Variants in METTL6 observed in about 807,000 individuals in gnomAD.
METTL6 encodes tRNA N(3)-cytidine methyltransferase METTL6.
A neutral mutation model predicts 26.4 loss-of-function variants in METTL6; 22 were observed. The ratio of observed to expected loss-of-function variants is 0.83; its 90% CI spans 0.59 to 1.19. The LOEUF (loss-of-function observed/expected upper bound fraction) is 1.19. METTL6 is among the 50% of genes most tolerant of loss of function. The pLI, the probability that METTL6 is intolerant of heterozygous loss-of-function variation, is 0.00. For synonymous variants in METTL6, 109 were observed against 116.2 expected, an observed-to-expected ratio of 0.94 and a Z score of 0.40; for missense variants, 304 against 324.8, an observed-to-expected ratio of 0.94 and a Z score of 0.49.
In METTL6 at chr3:15,410,256, C is replaced by T. The variant is rs1290366067; in HGVS notation, c.*1000G>A. On this transcript the variant is annotated 3_prime_UTR_variant, in exon 6 of 6. Coordinates refer to ENST00000383790, the MANE Select transcript of METTL6 (RefSeq NM_152396.4). ...TGCCTGAAACCAAGATGGTACCAAA[C>T]TCTAAAAAAAAAAGAACAACTTTAA... 6.6e-6 allele frequency among the ~76,000 whole-genome samples: 1 copy of T among 151,432 alleles called. No homozygotes were observed. Among genetic ancestry groups the T allele is most frequent in the Non-Finnish European group, 1.5e-5 (1 of 67,842 alleles).
At chr3:15,415,282 C>T (rs771406857) in intron 4 of METTL6, among the ~76,000 whole-genome samples, 10 of 152,202 alleles carry the variant, frequency 6.6e-5, no homozygotes, top group Non-Finnish European at 5.9e-5. Context: ...ACATGAGACA[C>T]GGAAACCAAT....
chr3:15,402,560 C>A (rs1161271292), intron 6 of METTL6, among the ~76,000 whole-genome samples: 1 of 151,684 alleles, frequency 6.6e-6, no homozygotes, highest in African/African-American at 2.4e-5. Flanking sequence ...ATGGTGAAAC[C>A]CCCTCTCCAC....
chr3:15,404,161 T>C (rs542119132), intron 6 of METTL6, among the ~76,000 whole-genome samples: 19 of 152,224 alleles, frequency 1.2e-4, no homozygotes, highest in Admixed American at 5.9e-4. Context: ...CAGCCCCTAT[T>C]CAAAATGGAG....
At chr3:15,406,586 T>TTA (rs57272118), downstream of METTL6, among the ~76,000 whole-genome samples, 15 of 17,884 alleles carry the variant, frequency 8.4e-4, no homozygotes, top group Non-Finnish European at 1.2e-3. Flanking sequence ...AAACAAACAG[T>TTA]TATATATATA....
At chr3:15,404,492 A>G (rs943652763) in intron 6 of METTL6, among the ~76,000 whole-genome samples, 2 of 145,174 alleles carry the variant, frequency 1.4e-5, no homozygotes, top group Admixed American at 7.0e-5. Flanking sequence ...ACAGATGCGC[A>G]CCATCATGCC....
Position 15,404,509 on chromosome 3 carries a change from A to ATT in METTL6, c.*11+6734_*11+6735dup, listed in dbSNP as rs34073251. ...AGATGCGCACCATCATGCCCAGCTA[A>ATT]TTTTTTTTTTTTTTTTTTTTAAGTA... On this transcript the variant is annotated intron_variant, in intron 6 of 6. Transcript: ENST00000443029. Among the ~76,000 whole-genome samples the ATT allele has an allele frequency of 8.3e-3, 1,107 of 133,270 alleles. 56 individuals carry two copies. The East Asian group carries it at 0.16, about 19-fold the overall frequency. 87.4% of individuals were successfully genotyped at this position (133,270 alleles called of 152,430 possible).
At chr3:15,400,601 G>C (rs1276443532) in intron 6 of METTL6, among the ~76,000 whole-genome samples, 1 of 152,178 alleles carries the variant, frequency 6.6e-6, no homozygotes, top group Non-Finnish European at 1.5e-5. Context: ...AGCATTTCTA[G>C]TAGAATTGTC....
At position 15,397,151 on chromosome 3, in the gene METTL6, C is replaced by G. The variant is rs556485291; in HGVS notation, c.*12-12964G>C. Among the ~76,000 whole-genome samples, 9 of 152,350 alleles carry G rather than the reference C, an allele frequency of 5.9e-5. No homozygotes were observed. In the East Asian group the frequency reaches 1.5e-3, roughly 26 times the overall value. On this transcript the variant is annotated intron_variant, in intron 6 of 6. Coordinates refer to the METTL6 transcript ENST00000443029. ...CTCCACCCAGTTTGAGCTTCCCAAC[C>G]GCTTTGTTTACCTACTCAAGCCTCA...
At chr3:15,421,755 CA>C (rs1199767601) in intron 3 of METTL6, among the ~76,000 whole-genome samples, 1 of 151,782 alleles carries the variant, frequency 6.6e-6, no homozygotes, top group African/African-American at 2.4e-5. Flanking sequence ...ACTAAAAATA[CA>C]AAAAAATTAG....
chr3:15,388,047 G>C (rs1242357071), intron 6 of METTL6, among the ~76,000 whole-genome samples: 1 of 152,004 alleles, frequency 6.6e-6, no homozygotes, highest in Non-Finnish European at 1.5e-5. Context: ...AGAGTTTTAT[G>C]ATTACTCAAA....
intron 6 of METTL6, among the ~76,000 whole-genome samples, chr3:15,402,485 G>C (rs907879062): frequency 2.6e-4 from 40 of 152,252 alleles, no homozygotes; most frequent in Admixed American, 2.4e-3. Context: ...AGTAATCCCA[G>C]CACTCTGGGA....
chr3:15,413,443 G>C (rs1388505043), intron 5 of METTL6, among the ~76,000 whole-genome samples: 2 of 151,860 alleles, frequency 1.3e-5, no homozygotes, highest in African/African-American at 4.8e-5. Flanking sequence ...AGCCATGGTG[G>C]CATGTGTCTG....
chr3:15,426,433 T>G lies in METTL6; in HGVS notation c.79A>C (p.Thr27Pro). The change falls in exon 2 of 6, where the codon ACT becomes CCT. Residue 27 changes from threonine to proline, a missense_variant. Transcript: ENST00000383790. Reference protein sequence around the residue: ...EEEEKLKRDQTLVSDFKQQKL... With the variant: ...EEEEKLKRDQPLVSDFKQQKL... ...TGCTGTTTAAAATCAGACACCAAAG[T>G]TTGGTCTCTTTTCAGTTTCTCCTCT... The G allele has an allele frequency of 6.2e-7, 1 of 1,614,216 alleles. No individual in the cohort carries two copies. The highest frequency in any genetic ancestry group is 8.5e-7 in the Non-Finnish European group (1 of 1,180,036).
chr3:15,403,346 C>A (rs1473071702), intron 6 of METTL6, among the ~76,000 whole-genome samples: 1 of 152,132 alleles, frequency 6.6e-6, no homozygotes, highest in African/African-American at 2.4e-5. Flanking sequence ...TTCTTTCTTT[C>A]AGGAGTTGTC....
At chr3:15,400,342 C>T (rs1049122026) in intron 6 of METTL6, among the ~76,000 whole-genome samples, 4 of 152,120 alleles carry the variant, frequency 2.6e-5, no homozygotes, top group African/African-American at 9.7e-5. Flanking sequence ...CACACTGGCT[C>T]TTCTGGGAGT....
chr3:15,394,463 G>A (rs1355423594), intron 6 of METTL6, among the ~76,000 whole-genome samples: 1 of 152,012 alleles, frequency 6.6e-6, no homozygotes, highest in Non-Finnish European at 1.5e-5. Context: ...TGGATTCATT[G>A]ATTTTTTGAA....
At chr3:15,406,571 A>G (rs1294473286), downstream of METTL6, among the ~76,000 whole-genome samples, 4 of 137,364 alleles carry the variant, frequency 2.9e-5, no homozygotes, top group Admixed American at 3.1e-4. Context: ...GCCATGAAAA[A>G]AAAAAAACAA....
chr3:15,398,525 G>C (rs1053234374), intron 6 of METTL6, among the ~76,000 whole-genome samples: 1 of 152,146 alleles, frequency 6.6e-6, no homozygotes. Flanking sequence ...TTCGTTCAGT[G>C]GGCAGGAAGA....
chr3:15,400,087 C>T (rs60623602), intron 6 of METTL6, among the ~76,000 whole-genome samples: 3,216 of 152,138 alleles, frequency 0.021, 94 homozygotes, highest in African/African-American at 0.071. Context: ...TGGGTCGACA[C>T]GTCCCAGATA....
Sources: allele counts gnomAD v4.1 joint callset (sites outside exome capture counted in the v4.1 genomes callset), GRCh38; gene constraint gnomAD v4.1.1; transcripts MANE v1.5; gene names NCBI Gene and HGNC (gene_info 2026-07-23, HGNC 2026-07-21).